MALRD1: variants seen among roughly 807,000 people sequenced by gnomAD.
MALRD1 encodes the protein MAM and LDL-receptor class A domain-containing protein 1.
MALRD1 carries 247 observed loss-of-function variants against 242.1 expected under a neutral mutation model. The observed-to-expected ratio is 1.02, with a 90% CI of 0.92 to 1.13. The LOEUF is 1.13. MALRD1 is among the 50% of genes most tolerant of loss of function. The probability of loss-of-function intolerance (pLI) is 0.00; values close to 1 mark genes in which losing one functional copy is unlikely to be tolerated. For synonymous variants in MALRD1, 995 were observed against 866.6 expected, an observed-to-expected ratio of 1.15 and a Z score of -2.60; for missense variants, 2,989 against 2,533.1, an observed-to-expected ratio of 1.18 and a Z score of -3.86.
chr10:19,613,544 A>C (rs1838997272), intron 35 of MALRD1, among the ~76,000 whole-genome samples: 1 of 151,622 alleles, frequency 6.6e-6, no homozygotes, highest in Non-Finnish European at 1.5e-5. Flanking sequence ...CCCCAACCCC[A>C]CCCTAATCCT....
chr10:19,178,222 T>C (rs978682928), intron 14 of MALRD1, among the ~76,000 whole-genome samples: 1 of 152,210 alleles, frequency 6.6e-6, no homozygotes, highest in Non-Finnish European at 1.5e-5. Flanking sequence ...TATATCTAAT[T>C]AGGACAGATT....
chr10:19,612,146 C>G (rs1042561561), intron 35 of MALRD1, among the ~76,000 whole-genome samples: 5 of 151,790 alleles, frequency 3.3e-5, no homozygotes, highest in Non-Finnish European at 7.4e-5. Flanking sequence ...GAAATTGTAC[C>G]TAAGATCAAA....
In MALRD1 at chr10:19,217,191, A is replaced by T. The variant is rs1257996684; in HGVS notation, c.2991+7511A>T. 4.7e-4 allele frequency among the ~76,000 whole-genome samples: 71 copies of T among 152,206 alleles called. 1 individual carries two copies. The highest frequency in any genetic ancestry group is 2.9e-5 in the Non-Finnish European group (2 of 68,028). On this transcript the variant is annotated intron_variant, in intron 18 of 39. Transcript: ENST00000454679. ...CCTGGTCTTAGTATTTTATTACTTAAAACCCATTGGTGGCTTTCCATGATT... is the reference window on the plus strand; with the variant it reads ...CCTGGTCTTAGTATTTTATTACTTATAACCCATTGGTGGCTTTCCATGATT...
chr10:19,253,014 G>T (rs965173950), intron 18 of MALRD1, among the ~76,000 whole-genome samples: 2 of 151,978 alleles, frequency 1.3e-5, no homozygotes, highest in Non-Finnish European at 2.9e-5. Flanking sequence ...AGGTTATGTG[G>T]TTAAATATTA....
At chr10:19,506,990 G>A (rs941847305) in intron 31 of MALRD1, among the ~76,000 whole-genome samples, 1 of 152,054 alleles carries the variant, frequency 6.6e-6, no homozygotes, top group African/African-American at 2.4e-5. Context: ...TTCTGGGAAG[G>A]CCTCAGGAAG....
intron 9 of MALRD1, among the ~76,000 whole-genome samples, chr10:19,135,765 G>A (rs2884429): frequency 0.34 from 52,415 of 151,952 alleles, 9,478 homozygotes; most frequent in Admixed American, 0.42. Flanking sequence ...GCAAATAATT[G>A]GTTATCTGTG....
At position 19,559,515 on chromosome 10, in the gene MALRD1, C is replaced by A. The variant is rs144896735; in HGVS notation, c.5479-7987C>A. On this transcript the variant is annotated intron_variant, in intron 32 of 39. Coordinates refer to ENST00000454679, the MANE Select transcript of MALRD1 (RefSeq NM_001142308.3). ...TGAAATAGAATATTTTAAAATTTCTCTTGGAACTTCGTTGACCTTTGTGTT... is the reference window on the plus strand; with the variant it reads ...TGAAATAGAATATTTTAAAATTTCTATTGGAACTTCGTTGACCTTTGTGTT... Among the ~76,000 whole-genome samples the A allele has an allele frequency of 4.1e-3, 617 of 152,110 alleles. 4 individuals carry two copies. The highest frequency in any genetic ancestry group is 0.014 in the Middle Eastern group (4 of 294).
intron 26 of MALRD1, among the ~76,000 whole-genome samples, chr10:19,382,244 A>G (rs1351106637): frequency 6.6e-6 from 1 of 152,124 alleles, no homozygotes; most frequent in African/African-American, 2.4e-5. Context: ...AATACCTGTA[A>G]AAATAAATAG....
Position 19,331,550 on chromosome 10 carries a change from C to G in MALRD1, c.3869C>G (p.Ala1290Gly). 6.5e-7 allele frequency: 1 copy of G among 1,550,198 alleles called. No individual in the cohort carries two copies. The highest frequency in any genetic ancestry group is 8.7e-7 in the Non-Finnish European group (1 of 1,146,758). Residue 1290 changes from alanine to glycine, a missense_variant, in exon 24 of 40, where the codon GCT (alanine) becomes GGT (glycine). Physicochemically the swap from Ala to Gly is moderately conservative, Grantham distance 60. Transcript: ENST00000454679. ...CTGTGTGATTTTGTGAATGATTGTG[C>G]TGATAATTCAGATGAGACTACTTTC... ...DKLCDFVNDCADNSDETTFIC... is the reference protein window; with the variant it reads ...DKLCDFVNDCGDNSDETTFIC...
At chr10:19,227,675 C>G (rs1251548404) in intron 18 of MALRD1, among the ~76,000 whole-genome samples, 1 of 151,786 alleles carries the variant, frequency 6.6e-6, no homozygotes, top group African/African-American at 2.4e-5. Flanking sequence ...AGGCAAACCA[C>G]AGATTGGGAC....
Position 19,091,800 on chromosome 10 carries a change from C to T in MALRD1, c.597+3615C>T, listed in dbSNP as rs1220261617. Among the ~76,000 whole-genome samples the T allele has an allele frequency of 7.7e-4, 69 of 90,080 alleles. 22 individuals carry two copies. The highest frequency in any genetic ancestry group is 3.8e-3 in the African/African-American group (67 of 17,620). The allele number at this position is 90,080 out of a possible 152,430, so 59.1% of individuals were successfully genotyped here. ...TTCTGGTATGTGGTGTCTTTGTTCTCGTTGGTTTCAAAGAACATCTTTATT... is the reference window on the plus strand; with the variant it reads ...TTCTGGTATGTGGTGTCTTTGTTCTTGTTGGTTTCAAAGAACATCTTTATT... On this transcript the variant is annotated intron_variant, in intron 4 of 39. Transcript: ENST00000454679.
intron 19 of MALRD1, among the ~76,000 whole-genome samples, chr10:19,275,617 G>T (rs181613035): frequency 6.6e-6 from 1 of 151,910 alleles, no homozygotes; most frequent in Non-Finnish European, 1.5e-5. Context: ...TGCAGTGAGT[G>T]GAGATCGCGA....
intron 36 of MALRD1, among the ~76,000 whole-genome samples, chr10:19,679,586 A>AT (rs1301552566): frequency 1.3e-5 from 2 of 149,830 alleles, no homozygotes; most frequent in South Asian, 2.1e-4. Flanking sequence ...CTATTTTATT[A>AT]TTTTTTTCAA....
intron 19 of MALRD1, among the ~76,000 whole-genome samples, chr10:19,279,782 C>T (rs942805152): frequency 6.6e-6 from 1 of 152,310 alleles, no homozygotes; most frequent in African/African-American, 2.4e-5. Flanking sequence ...TGGCCTTGGG[C>T]CTCCCATTGA....
intron 19 of MALRD1, among the ~76,000 whole-genome samples, chr10:19,273,812 G>A (rs1446049693): frequency 6.6e-6 from 1 of 152,130 alleles, no homozygotes; most frequent in Non-Finnish European, 1.5e-5. Context: ...GTGCTGACAG[G>A]AATAGGGTGT....
At chr10:19,435,266 G>A (rs957234430) in intron 28 of MALRD1, among the ~76,000 whole-genome samples, 1 of 151,856 alleles carries the variant, frequency 6.6e-6, no homozygotes, top group African/African-American at 2.4e-5. Flanking sequence ...ATAGTACAGG[G>A]AGTTCCTGTA....
chr10:19,588,146 G>GA lies in MALRD1; in HGVS notation c.5681-7044dup, dbSNP rs200155754. ...TATAAGTTTATATTCAAATATATTC[G>GA]AAAATTTTTTTTTAAAGACCTTTCC... On this transcript the variant is annotated intron_variant, in intron 33 of 39. Coordinates refer to ENST00000454679, the MANE Select transcript of MALRD1 (RefSeq NM_001142308.3). Among the ~76,000 whole-genome samples the GA allele has an allele frequency of 2.9e-3, 440 of 151,956 alleles. 4 individuals are homozygous for GA. The highest frequency in any genetic ancestry group is 0.01 in the African/African-American group (418 of 41,478).
At position 19,270,336 on chromosome 10, in the gene MALRD1, T is replaced by TCACACACACA. The variant is rs200537040; in HGVS notation, c.3080-9679_3080-9670dup. On this transcript the variant is annotated intron_variant, in intron 19 of 39. Coordinates refer to ENST00000454679, the MANE Select transcript of MALRD1 (RefSeq NM_001142308.3). ...TCTCTCTTCTCTCTCTCTCTCTCTC[T>TCACACACACA]CACACACACACACACACACACACAC... 3.8e-4 allele frequency among the ~76,000 whole-genome samples: 50 copies of TCACACACACA among 130,960 alleles called. 1 individual carries two copies. Among genetic ancestry groups the TCACACACACA allele is most frequent in the African/African-American group, 1.2e-3 (44 of 36,204 alleles). The allele number at this position is 130,960 out of a possible 152,430, so 85.9% of individuals were successfully genotyped here.
chr10:19,203,824 C>T lies in MALRD1; in HGVS notation c.2048C>T (p.Ser683Phe). 1 of 1,550,550 alleles carries T rather than the reference C, an allele frequency of 6.4e-7. No homozygotes were observed. Among genetic ancestry groups the T allele is most frequent in the Non-Finnish European group, 8.7e-7 (1 of 1,146,952 alleles). ...DWIRSSQSEL[S>F]ADFEHQAPPR... is the part of the protein sequence containing the mutation. ...ATACGGAGCTCTCAGAGTGAACTTT[C>T]TGCTGATTTTGAGCACCAGGCTCCA... The change falls in exon 15 of 40, where the codon TCT becomes TTT. Residue 683 changes from serine to phenylalanine, a missense_variant. Transcript: ENST00000454679.
Sources: gnomAD v4.1 joint callset for allele counts (sites outside exome capture counted in the v4.1 genomes callset) on GRCh38, gnomAD v4.1.1 for gene constraint, MANE v1.5 for transcripts, NCBI Gene and HGNC (gene_info 2026-07-23, HGNC 2026-07-21) for gene names.